ADAT3: variants seen among roughly 807,000 people sequenced by gnomAD.
ADAT3 encodes the protein tRNA-specific adenosine-34 deaminase regulatory subunit ADAT3.
A neutral mutation model predicts 3.5 loss-of-function variants in ADAT3; 2 were observed. The observed-to-expected ratio is 0.57, with a 90% CI of 0.23 to 1.79. The LOEUF is 1.79. Among genes scored for constraint, ADAT3 ranks in the 40% most tolerant of loss-of-function variants. The probability of loss-of-function intolerance (pLI) is 0.18; values close to 1 mark genes in which losing one functional copy is unlikely to be tolerated. For synonymous variants in ADAT3, 358 were observed against 270.3 expected (o/e 1.32, Z -3.18); for missense variants, 735 against 571.4 (o/e 1.29, Z -2.92).
chr19:1,909,019 C>T (rs1028930846), intron 1 of ADAT3, among the ~76,000 whole-genome samples: 1 of 151,636 alleles, frequency 6.6e-6, no homozygotes, highest in Non-Finnish European at 1.5e-5. Context: ...GCAGGAGAAT[C>T]GCTTGAACCT....
chr19:1,907,106 G>C (rs905251034), intron 1 of ADAT3: 1 of 151,222 alleles, frequency 6.6e-6, no homozygotes, highest in African/African-American at 2.4e-5. Context: ...AGAATTGCTT[G>C]AACCAGGGAG....
rs199915192 is a variant in ADAT3, at chr19:1,912,164, G to A, written c.117G>A (p.Pro39=). 5.2e-3 allele frequency: 8,202 copies of A among 1,572,282 alleles called. 23 individuals are homozygous for A. Among genetic ancestry groups the A allele is most frequent in the Non-Finnish European group, 6.5e-3 (7,544 of 1,164,086 alleles). The change falls in exon 2 of 2, where the codon CCG becomes CCA. Residue 39 remains proline, a synonymous_variant. Transcript: ENST00000329478. ...CLEAGSPEPE[P]APWQALPVLS... ...AGGCCGGGAGCCCGGAGCCTGAGCC[G>A]GCGCCGTGGCAGGCCCTCCCTGTCC...
In ADAT3 at chr19:1,908,815, C is replaced by A. The variant is rs35608810; in HGVS notation, c.-158-3075C>A. On this transcript the variant is annotated intron_variant, in intron 1 of 1. Transcript: ENST00000329478. This position sits in a 1 kb window ranked among gnomAD's most constrained non-coding sequence, Gnocchi z 4.2. ...TGCCCAACTAATTTATACTTTTAAG[C>A]AATGTGGGCTGGGCACGGTGGCTCA... 0.11 allele frequency among the ~76,000 whole-genome samples: 16,133 copies of A among 152,096 alleles called. 1,395 individuals carry two copies. The highest frequency in any genetic ancestry group is 0.23 in the African/African-American group (9,499 of 41,458).
intron 1 of ADAT3, among the ~76,000 whole-genome samples, chr19:1,909,154 A>G (rs1013032154): frequency 2.7e-5 from 4 of 150,264 alleles, no homozygotes; most frequent in Admixed American, 1.3e-4. Flanking sequence ...CTGTAATCCA[A>G]CCTCAGGCCT....
intron 1 of ADAT3, 107 bp downstream of exon 1, chr19:1,905,546 G>A (rs1051215520): frequency 3.1e-6 from 1 of 323,180 alleles, no homozygotes; most frequent in Non-Finnish European, 6.8e-6. Flanking sequence ...CCGGCCGTTT[G>A]TGGGGAGAAA....
Position 1,911,998 on chromosome 19 carries a change from C to T in ADAT3, c.-50C>T. On this transcript the variant is annotated 5_prime_UTR_variant, in exon 2 of 2. Transcript: ENST00000329478. ...CACGCCCTGCCTTGTGGAGCCACGG[C>T]CTCCCGGGACGGACTCCCCGGCTCT... 1 of 1,413,526 alleles carries T rather than the reference C, an allele frequency of 7.1e-7. No homozygotes were observed. Among genetic ancestry groups the T allele is most frequent in the Non-Finnish European group, 9.2e-7 (1 of 1,090,818 alleles). The allele number at this position is 1,413,526 out of a possible 1,614,324, so 87.6% of individuals were successfully genotyped here.
chr19:1,912,581 G>A lies in ADAT3; in HGVS notation c.534G>A (p.Gly178=). 2 of 1,496,370 alleles carry A rather than the reference G, an allele frequency of 1.3e-6. No individual in the cohort carries two copies. Among genetic ancestry groups the A allele is most frequent in the South Asian group, 1.2e-5 (1 of 80,060 alleles). 92.7% of individuals were successfully genotyped at this position (1,496,370 alleles called of 1,614,324 possible). ...AGCAGGTGACCAGCGCCCTGGCTGG[G>A]CGGCTCTTCTCCACGCAGGAGCGCG... ...EDKQVTSALA[G]RLFSTQERAA... Residue 178 remains glycine (G), a synonymous_variant, in exon 2 of 2, where the codon GGG becomes GGA. Coordinates refer to ENST00000329478, the MANE Select transcript of ADAT3 (RefSeq NM_138422.4).
rs564389152 is a variant in ADAT3, at chr19:1,909,876, G to T, written c.-158-2014G>T. Among the ~76,000 whole-genome samples the T allele has an allele frequency of 3.3e-5, 5 of 152,370 alleles. No individual in the cohort carries two copies. In the East Asian group the frequency reaches 9.6e-4, roughly 29 times the overall value. On this transcript the variant is annotated intron_variant, in intron 1 of 1. Coordinates refer to ENST00000329478, the MANE Select transcript of ADAT3 (RefSeq NM_138422.4). Reference sequence around the variant, plus strand: ...GGATGGGAAGTCGGGCCCACCAGGGGAGGGGCTGCGCTCCGGGGCTTACGT... The same window carrying T: ...GGATGGGAAGTCGGGCCCACCAGGGTAGGGGCTGCGCTCCGGGGCTTACGT...
chr19:1,910,433 G>T (rs948182555), intron 1 of ADAT3, among the ~76,000 whole-genome samples: 2 of 152,184 alleles, frequency 1.3e-5, no homozygotes, highest in African/African-American at 4.8e-5. Context: ...GGGTTGCTGT[G>T]TGTGTTGTAG....
At position 1,913,091 on chromosome 19, in the gene ADAT3, C is replaced by A. The variant is rs1483406906; in HGVS notation, c.1044C>A (p.Arg348=). 11 of 1,600,192 alleles carry A rather than the reference C, an allele frequency of 6.9e-6. No individual in the cohort carries two copies. Among genetic ancestry groups the A allele is most frequent in the Non-Finnish European group, 9.3e-6 (11 of 1,177,702 alleles). Residue 348 remains arginine, a synonymous_variant, in exon 2 of 2, where the codon CGC becomes CGA. Transcript: ENST00000329478. ...ACGCACGGCCCGACCTCAACCACCG[C>A]TTCCAGGTGTTCCGCGGGGTGCTGG... ...RIHARPDLNH[R]FQVFRGVLEE... is the part of the protein sequence containing the mutation.
At chr19:1,910,288 C>T (rs141234502) in intron 1 of ADAT3, among the ~76,000 whole-genome samples, 57 of 152,350 alleles carry the variant, frequency 3.7e-4, no homozygotes, top group African/African-American at 5.0e-4. Context: ...CAGCAGCTTG[C>T]GGCCGGGGGA....
In ADAT3 at chr19:1,912,161, G is replaced by A; in HGVS notation, c.114G>A (p.Glu38=). 6.4e-7 allele frequency: 1 copy of A among 1,571,324 alleles called. No homozygotes were observed. Among genetic ancestry groups the A allele is most frequent in the Non-Finnish European group, 8.6e-7 (1 of 1,163,580 alleles). The part of the protein sequence containing the change: ...KCLEAGSPEP[E]PAPWQALPVL... ...TGGAGGCCGGGAGCCCGGAGCCTGA[G>A]CCGGCGCCGTGGCAGGCCCTCCCTG... The change falls in exon 2 of 2, where the codon GAG becomes GAA. Residue 38 remains glutamate, a synonymous_variant. Transcript: ENST00000329478.
At chr19:1,911,844 C>G (rs2013466241) in intron 1 of ADAT3, 46 bp from the exon 2 acceptor site, 3 of 475,804 alleles carry the variant, frequency 6.3e-6, no homozygotes, top group Non-Finnish European at 1.0e-5. Context: ...TGAATTATAT[C>G]TTCGTTTTTA....
rs1019821615 is a variant in ADAT3 at position 1,912,004 on chromosome 19, G to C, written c.-44G>C. 6 of 1,414,910 alleles carry C rather than the reference G, an allele frequency of 4.2e-6. No individual in the cohort carries two copies. The highest frequency in any genetic ancestry group is 3.0e-5 in the Admixed American group (1 of 33,010). The allele number at this position is 1,414,910 out of a possible 1,614,324, so 87.6% of individuals were successfully genotyped here. A position where few individuals can be genotyped will look rare whatever the true frequency, so the allele number is the denominator to read the frequency against. On this transcript the variant is annotated 5_prime_UTR_variant, in exon 2 of 2. Transcript: ENST00000329478. ...CTGCCTTGTGGAGCCACGGCCTCCC[G>C]GGACGGACTCCCCGGCTCTCCCCCA...
Position 1,908,392 on chromosome 19 carries a change from C to G in ADAT3, c.-159+2953C>G. On this transcript the variant is annotated intron_variant, in intron 1 of 1. Transcript: ENST00000329478. This position sits in a 1 kb window ranked among gnomAD's most constrained non-coding sequence, Gnocchi z 4.2. ...TGCTGGTCCCCCATCTGTGGGGCGC[C>G]CCGGCGGCTGAGGCGTGGACCAGGC... 1 of 417,266 alleles carries G rather than the reference C, an allele frequency of 2.4e-6. No homozygotes were observed. The highest frequency in any genetic ancestry group is 5.0e-6 in the Non-Finnish European group (1 of 199,928). 25.8% of individuals were successfully genotyped at this position (417,266 alleles called of 1,614,324 possible). A position where few individuals can be genotyped will look rare whatever the true frequency, so the allele number is the denominator to read the frequency against.
chr19:1,910,876 T>A (rs1191369148), intron 1 of ADAT3, among the ~76,000 whole-genome samples: 2 of 148,300 alleles, frequency 1.3e-5, no homozygotes, highest in Non-Finnish European at 3.0e-5. Context: ...CGCCTGGCTT[T>A]TTTGTTGTTT....
In ADAT3 at chr19:1,908,306, G is replaced by A. The variant is rs926199958; in HGVS notation, c.-159+2867G>A. On this transcript the variant is annotated intron_variant, in intron 1 of 1. Transcript: ENST00000329478. The surrounding 1 kb of genome is among the most constrained non-coding windows in gnomAD (Gnocchi z 4.2). Reference sequence around the variant, plus strand: ...GTGCTTTGTTGAACGCGTGAGCTTCGGGCAGCGCTGGGGCCGCTTCAGCGT... The same window carrying A: ...GTGCTTTGTTGAACGCGTGAGCTTCAGGCAGCGCTGGGGCCGCTTCAGCGT... 40 of 332,842 alleles carry A rather than the reference G, an allele frequency of 1.2e-4. No individual in the cohort carries two copies. Among genetic ancestry groups the A allele is most frequent in the Non-Finnish European group, 2.1e-4 (36 of 167,606 alleles). The allele number at this position is 332,842 out of a possible 1,614,324, so 20.6% of individuals were successfully genotyped here.
rs967468361 is a variant in ADAT3, at chr19:1,913,434, C to T, written c.*283C>T. ...GAAACTGCTCTGATGGGAAAATAAA[C>T]AGCCCAAAACCAAGTGGGTGTCTGT... On this transcript the variant is annotated 3_prime_UTR_variant, in exon 2 of 2. Coordinates refer to ENST00000329478, the MANE Select transcript of ADAT3 (RefSeq NM_138422.4). The T allele has an allele frequency of 1.3e-5, 7 of 548,856 alleles. No homozygotes were observed. Among genetic ancestry groups the T allele is most frequent in the Non-Finnish European group, 2.0e-5 (6 of 301,938 alleles). 34.0% of individuals were successfully genotyped at this position (548,856 alleles called of 1,614,324 possible).
At position 1,912,572 on chromosome 19, in the gene ADAT3, C is replaced by T. The variant is rs996302800; in HGVS notation, c.525C>T (p.Ala175=). ...ACGAGGACAAGCAGGTGACCAGCGC[C>T]CTGGCTGGGCGGCTCTTCTCCACGC... The part of the protein sequence containing the change: ...SFHEDKQVTS[A]LAGRLFSTQE... Residue 175 remains alanine, a synonymous_variant, in exon 2 of 2, where the codon GCC becomes GCT. Transcript: ENST00000329478. 1 of 1,497,594 alleles carries T rather than the reference C, an allele frequency of 6.7e-7. No homozygotes were observed. Among genetic ancestry groups the T allele is most frequent in the Non-Finnish European group, 8.8e-7 (1 of 1,130,288 alleles). 92.8% of individuals were successfully genotyped at this position (1,497,594 alleles called of 1,614,324 possible). A position where few individuals can be genotyped will look rare whatever the true frequency, so the allele number is the denominator to read the frequency against.
Sources: allele counts gnomAD v4.1 joint callset (sites outside exome capture counted in the v4.1 genomes callset), GRCh38; gene constraint gnomAD v4.1.1; non-coding constraint Gnocchi (gnomAD v3.1); transcripts MANE v1.5; gene names NCBI Gene and HGNC (gene_info 2026-07-23, HGNC 2026-07-21).